SCMH1: variants seen among roughly 807,000 people sequenced by gnomAD.
SCMH1 encodes polycomb protein SCMH1.
A neutral mutation model predicts 70.8 loss-of-function variants in SCMH1; 37 were observed. The observed-to-expected ratio is 0.52, with a 90% CI of 0.40 to 0.69. SCMH1 has a LOEUF of 0.69. Among genes scored for constraint, SCMH1 ranks in the 30% least tolerant of loss-of-function variants. SCMH1 has a pLI of 0.00. For missense variants in SCMH1, 607 were observed against 827.3 expected, an observed-to-expected ratio of 0.73 and a Z score of 3.27; for synonymous variants, 292 against 307.4, an observed-to-expected ratio of 0.95 and a Z score of 0.52.
At chr1:41,229,658 G>T (rs925503719) in intron 1 of SCMH1, among the ~76,000 whole-genome samples, 11 of 152,100 alleles carry the variant, frequency 7.2e-5, no homozygotes, top group African/African-American at 2.7e-4. Context: ...GTTAATAGGT[G>T]CAGCAAACCA....
At chr1:41,114,419 A>C (rs1169190073) in intron 7 of SCMH1, among the ~76,000 whole-genome samples, 2 of 152,170 alleles carry the variant, frequency 1.3e-5, no homozygotes, top group African/African-American at 2.4e-5. Flanking sequence ...TATTAAATGG[A>C]TATCTGATAG....
At chr1:41,188,586 G>A (rs767663540) in intron 1 of SCMH1, among the ~76,000 whole-genome samples, 2 of 152,112 alleles carry the variant, frequency 1.3e-5, no homozygotes, top group Non-Finnish European at 2.9e-5. Flanking sequence ...CAGATCTGGA[G>A]AATGTAATGA....
intron 2 of SCMH1, among the ~76,000 whole-genome samples, chr1:41,184,166 AG>A (rs765052436): frequency 1.3e-5 from 2 of 152,192 alleles, no homozygotes; most frequent in Non-Finnish European, 2.9e-5. Flanking sequence ...TGTCAGGGTC[AG>A]GGGAGGCTCA....
At chr1:41,173,540 G>T (rs1423413143) in intron 2 of SCMH1, among the ~76,000 whole-genome samples, 1 of 152,092 alleles carries the variant, frequency 6.6e-6, no homozygotes, top group Non-Finnish European at 1.5e-5. Context: ...CAGCTATTAT[G>T]GAAAACAGGA....
rs905735887 is a variant in SCMH1 at position 41,214,074 on chromosome 1, T to G, written c.-117-27824A>C. On this transcript the variant is annotated intron_variant, in intron 1 of 14. Transcript: ENST00000337495. ...TAAATCTAAGAGCTAGATGGTACTATCTCAATTACACACACATGTGCACAT... is the reference window on the plus strand; with the variant it reads ...TAAATCTAAGAGCTAGATGGTACTAGCTCAATTACACACACATGTGCACAT... 6.0e-4 allele frequency among the ~76,000 whole-genome samples: 92 copies of G among 152,230 alleles called. 1 individual carries two copies. Among genetic ancestry groups the G allele is most frequent in the African/African-American group, 2.1e-3 (87 of 41,556 alleles).
chr1:41,181,143 A>G (rs1019949163), intron 2 of SCMH1, among the ~76,000 whole-genome samples: 39 of 152,330 alleles, frequency 2.6e-4, no homozygotes, highest in African/African-American at 9.4e-4. Flanking sequence ...CTGGCTAGCC[A>G]TATGTAGAAA....
At chr1:41,070,093 A>G (rs977507522) in intron 10 of SCMH1, among the ~76,000 whole-genome samples, 1 of 152,228 alleles carries the variant, frequency 6.6e-6, no homozygotes, top group African/African-American at 2.4e-5. Context: ...TTACTGTCAT[A>G]GACAGTTTAT....
At chr1:41,028,035 A>G (rs1643985011) in exon 15 of SCMH1, 2 of 810,664 alleles carry the variant, frequency 2.5e-6, no homozygotes, top group Non-Finnish European at 3.9e-6. Context: ...AGGACTTATC[A>G]TGGCAGCTGT....
chr1:41,241,181 G>A (rs1663437585), intron 1 of SCMH1, among the ~76,000 whole-genome samples: 1 of 152,188 alleles, frequency 6.6e-6, no homozygotes, highest in Admixed American at 6.5e-5. Flanking sequence ...ATTATCGGGG[G>A]GATTTGGGGA....
chr1:41,138,381 T>G (rs2148171880), intron 6 of SCMH1, among the ~76,000 whole-genome samples: 1 of 152,334 alleles, frequency 6.6e-6, no homozygotes, highest in East Asian at 1.9e-4. Flanking sequence ...GTTTTGTTTA[T>G]CTTCTTTTGG....
rs1650136980 is a variant in SCMH1, at chr1:41,186,114, T to C, written c.13+7A>G. 1.9e-6 allele frequency: 3 copies of C among 1,546,230 alleles called. 1 individual carries two copies. The African/African-American group carries it at 4.1e-5, about 21-fold the overall frequency. On this transcript the variant is annotated splice_region_variant and intron_variant, in intron 2 of 14. Coordinates refer to ENST00000337495, the Ensembl canonical transcript of SCMH1. Reference sequence around the variant, plus strand: ...TTACCTCCACGATAGGGTAAAAAGATACTTACCATTAGGCTGCATAGTCAA... The same window carrying C: ...TTACCTCCACGATAGGGTAAAAAGACACTTACCATTAGGCTGCATAGTCAA...
intron 6 of SCMH1, among the ~76,000 whole-genome samples, chr1:41,140,371 C>A (rs981534098): frequency 1.3e-5 from 2 of 151,746 alleles, no homozygotes; most frequent in Non-Finnish European, 2.9e-5. Context: ...CGGCTCACTG[C>A]AACCTTCGCC....
At chr1:41,075,106 C>T (rs558614638) in intron 9 of SCMH1, 113 bp downstream of exon 9, 5 of 960,460 alleles carry the variant, frequency 5.2e-6, no homozygotes, top group African/African-American at 4.8e-5. Context: ...TCATGATCCG[C>T]CCGCCTCGGC....
chr1:41,188,033 A>T (rs1650720734), intron 1 of SCMH1, among the ~76,000 whole-genome samples: 2 of 152,122 alleles, frequency 1.3e-5, no homozygotes, highest in Non-Finnish European at 2.9e-5. Context: ...TGGTAGTATA[A>T]TCTTCTTGGA....
At chr1:41,054,099 C>T (rs572119478) in intron 10 of SCMH1, among the ~76,000 whole-genome samples, 1 of 152,264 alleles carries the variant, frequency 6.6e-6, no homozygotes, top group South Asian at 2.1e-4. Context: ...CTGCCTCGGC[C>T]TCCCAAAGTG....
intron 8 of SCMH1, among the ~76,000 whole-genome samples, chr1:41,082,678 G>T (rs974468022): frequency 6.6e-6 from 1 of 152,050 alleles, no homozygotes; most frequent in Non-Finnish European, 1.5e-5. Context: ...CAAAAAAAGA[G>T]AATTTTAGAC....
At chr1:41,139,653 T>G (rs963485413) in intron 6 of SCMH1, among the ~76,000 whole-genome samples, 2 of 152,152 alleles carry the variant, frequency 1.3e-5, no homozygotes, top group Admixed American at 6.6e-5. Flanking sequence ...ATGTCATATT[T>G]AGGACATATC....
At chr1:41,177,451 G>A (rs541154249) in intron 2 of SCMH1, among the ~76,000 whole-genome samples, 9 of 152,298 alleles carry the variant, frequency 5.9e-5, no homozygotes, top group Admixed American at 2.0e-4. Context: ...CGAGCTAAAG[G>A]AGGAAGTTCG....
intron 6 of SCMH1, among the ~76,000 whole-genome samples, chr1:41,140,023 A>G (rs965021652): frequency 2.6e-5 from 4 of 152,194 alleles, no homozygotes; most frequent in African/African-American, 4.8e-5. Context: ...TATAACACTT[A>G]TTAAGGGTAT....
Sources: gnomAD v4.1 joint callset for allele counts (sites outside exome capture counted in the v4.1 genomes callset) on GRCh38, gnomAD v4.1.1 for gene constraint, MANE v1.5 for transcripts, NCBI Gene and HGNC (gene_info 2026-07-23, HGNC 2026-07-21) for gene names.